The following DNAJC4 variants were observed in gnomAD, a reference collection of about 807,000 sequenced individuals.
The protein encoded by DNAJC4 is DnaJ heat shock protein family (Hsp40) member C4.
DNAJC4 carries 26 observed loss-of-function variants against 26.8 expected under a neutral mutation model. That is an observed-to-expected ratio of 0.97 (90% CI 0.71 to 1.34). The LOEUF is 1.34. DNAJC4 is among the 40% of genes most tolerant of loss of function. The pLI is 0.00. For missense variants in DNAJC4, 342 were observed against 321.1 expected (o/e 1.07, Z -0.50); for synonymous variants, 134 against 127.8 (o/e 1.05, Z -0.33).
Position 64,231,633 on chromosome 11 carries a change from C to T in DNAJC4, c.87-238C>T, listed in dbSNP as rs1731401501. The T allele has an allele frequency of 6.2e-6, 3 of 483,036 alleles. No individual in the cohort carries two copies. The South Asian group carries it at 9.1e-5, about 15-fold the overall frequency. The allele number at this position is 483,036 out of a possible 1,614,324, so 29.9% of individuals were successfully genotyped here. ...TGGATTACAGGCGTGAGCCACCGCGCCTGTCCAGGAATCAGTTTTTTCCAA... is the reference window on the plus strand; with the variant it reads ...TGGATTACAGGCGTGAGCCACCGCGTCTGTCCAGGAATCAGTTTTTTCCAA... On this transcript the variant is annotated intron_variant, in intron 1 of 5. Coordinates refer to ENST00000628077, the MANE Select transcript of DNAJC4 (RefSeq NM_005528.4).
At chr11:64,233,750 A>G (rs1174216187) in intron 4 of DNAJC4, 144 bp from the exon 5 acceptor site, 2 of 1,111,388 alleles carry the variant, frequency 1.8e-6, no homozygotes, top group African/African-American at 1.6e-5. Context: ...AGCCCTCCCT[A>G]TCTATCACAG....
Position 64,232,563 on chromosome 11 carries a change from CAA to C in DNAJC4, c.316_317del (p.Lys106ValfsTer8), listed in dbSNP as rs1296320408. Reference sequence around the variant, plus strand: ...GACCAGCTCCGCTCAGGTAGTCCCCCAAAGTCTCCACGAACCACAGTCCATGA... The same window carrying C: ...GACCAGCTCCGCTCAGGTAGTCCCCCAGTCTCCACGAACCACAGTCCATGA... On this transcript the variant is annotated frameshift_variant, in exon 3 of 6. Coordinates refer to ENST00000628077, the MANE Select transcript of DNAJC4 (RefSeq NM_005528.4). LOFTEE classifies it high-confidence loss of function. 1.2e-6 allele frequency: 2 copies of C among 1,612,036 alleles called. No homozygotes were observed. Among genetic ancestry groups the C allele is most frequent in the Admixed American group, 1.7e-5 (1 of 59,914 alleles).
intron 4 of DNAJC4, chr11:64,233,086 A>T: frequency 2.2e-6 from 1 of 452,594 alleles, no homozygotes; most frequent in Non-Finnish European, 3.7e-6. Flanking sequence ...TTTCGAATGT[A>T]AATCTTTCAT....
chr11:64,232,715 C>T lies in DNAJC4; in HGVS notation c.377C>T (p.Pro126Leu). The T allele has an allele frequency of 1.3e-6, 2 of 1,593,844 alleles. No homozygotes were observed. The highest frequency in any genetic ancestry group is 1.7e-6 in the Non-Finnish European group (2 of 1,165,918). Residue 126 changes from proline to leucine, a missense_variant, in exon 4 of 6, where the codon CCC (proline) becomes CTC (leucine). Transcript: ENST00000628077. ...SAHQTHSSWT[P>L]PNAQYWSQFH... ...CTGCCTCCCAGCAGCTCCTGGACAC[C>T]CCCCAACGCACAGTACTGGTCCCAG...
intron 1 of DNAJC4, among the ~76,000 whole-genome samples, chr11:64,231,444 C>T (rs1022198879): frequency 4.7e-5 from 7 of 148,872 alleles, no homozygotes; most frequent in Non-Finnish European, 7.4e-5. Flanking sequence ...CGGGTTCAAG[C>T]GATTCTCCTG....
Position 64,233,612 on chromosome 11 carries a change from T to TG in DNAJC4, c.528-280dup, listed in dbSNP as rs1591076852. On this transcript the variant is annotated intron_variant, in intron 4 of 5. Coordinates refer to ENST00000628077, the MANE Select transcript of DNAJC4 (RefSeq NM_005528.4). ...GCTAGCAGCCTGCCTAGTTCAGTGA[T>TG]GGAGTTAGACGCATACCCTTTCTAG... The TG allele has an allele frequency of 6.3e-6, 3 of 476,776 alleles. No individual in the cohort carries two copies. The East Asian group carries it at 1.0e-4, about 16-fold the overall frequency. 29.5% of individuals were successfully genotyped at this position (476,776 alleles called of 1,614,324 possible).
chr11:64,230,697 C>A lies in DNAJC4; in HGVS notation c.-158C>A. The A allele has an allele frequency of 9.9e-7, 1 of 1,007,262 alleles. No homozygotes were observed. The highest frequency in any genetic ancestry group is 1.5e-6 in the Non-Finnish European group (1 of 678,742). The allele number at this position is 1,007,262 out of a possible 1,614,324, so 62.4% of individuals were successfully genotyped here. A position where few individuals can be genotyped will look rare whatever the true frequency, so the allele number is the denominator to read the frequency against. ...GGTCCAAGGACACGCGGGTCTGGTC[C>A]TGGGCAAGAACCGCCCCCTCTCCGG... is the stretch of plus-strand genomic sequence containing the variant. On this transcript the variant is annotated 5_prime_UTR_variant, in exon 1 of 6. The change creates a new upstream start codon in the 5' untranslated region. Transcript: ENST00000628077.
chr11:64,232,434 A>G lies in DNAJC4; in HGVS notation c.185A>G (p.His62Arg). 1 of 1,582,244 alleles carries G rather than the reference A, an allele frequency of 6.3e-7. No homozygotes were observed. The highest frequency in any genetic ancestry group is 8.6e-7 in the Non-Finnish European group (1 of 1,160,630). ...RAFFSKSKEL[H>R]PDRDPGNPSL... ...GGGAGTCCTGCCCCACCCCAGCTGC[A>G]CCCAGACCGGGACCCTGGGAACCCA... Residue 62 changes from histidine (H) to arginine (R), a missense_variant, in exon 3 of 6, where the codon CAC becomes CGC. By Grantham distance (29) the His-to-Arg change is conservative (BLOSUM62 0). Coordinates refer to ENST00000628077, the MANE Select transcript of DNAJC4 (RefSeq NM_005528.4).
chr11:64,234,007 T>C lies in DNAJC4; in HGVS notation c.614+27T>C. ...TCTGTCCCTGCTCTATTCTGCTCCC[T>C]GCTCCCTGTCCAGGAACCACACTTC... On this transcript the variant is annotated intron_variant, in intron 5 of 5. Coordinates refer to ENST00000628077, the MANE Select transcript of DNAJC4 (RefSeq NM_005528.4). This position sits in a 1 kb window ranked among gnomAD's most constrained non-coding sequence, Gnocchi z 5.3. 1 of 1,614,040 alleles carries C rather than the reference T, an allele frequency of 6.2e-7. No individual in the cohort carries two copies. The highest frequency in any genetic ancestry group is 8.5e-7 in the Non-Finnish European group (1 of 1,180,020).
At position 64,230,589 on chromosome 11, in the gene DNAJC4, G is replaced by A. The variant is rs1199151197; in HGVS notation, c.-266G>A. ...CCCAAGTTCCCTGGGTGGGAACGGGGTCTTGGGGTCCCTGGCTGGGTGGCC... is the reference window on the plus strand; with the variant it reads ...CCCAAGTTCCCTGGGTGGGAACGGGATCTTGGGGTCCCTGGCTGGGTGGCC... On this transcript the variant is annotated 5_prime_UTR_variant, in exon 1 of 6. Coordinates refer to ENST00000628077, the MANE Select transcript of DNAJC4 (RefSeq NM_005528.4). 1 of 608,484 alleles carries A rather than the reference G, an allele frequency of 1.6e-6. No homozygotes were observed. The highest frequency in any genetic ancestry group is 3.0e-6 in the Non-Finnish European group (1 of 337,802). The allele number at this position is 608,484 out of a possible 1,614,324, so 37.7% of individuals were successfully genotyped here. A position where few individuals can be genotyped will look rare whatever the true frequency, so the allele number is the denominator to read the frequency against.
At chr11:64,230,525 C>T (rs1005355150), upstream of DNAJC4, 3 of 593,252 alleles carry the variant, frequency 5.1e-6, no homozygotes, top group African/African-American at 3.7e-5. Context: ...CTGTGAGCAG[C>T]GGGGGCGGGG....
At position 64,234,075 on chromosome 11, in the gene DNAJC4, C is replaced by T. The variant is rs1199506907; in HGVS notation, c.617C>T (p.Ala206Val). Reference sequence around the variant, plus strand: ...CACCCAGGTGCCCTCTCCTCCAGGGCCAACAGAGGCATCCTTCAGCAGGAG... The same window carrying T: ...CACCCAGGTGCCCTCTCCTCCAGGGTCAACAGAGGCATCCTTCAGCAGGAG... ...FYNEARARARANRGILQQERQ... is the reference protein window; with the variant it reads ...FYNEARARARVNRGILQQERQ... Residue 206 changes from alanine (A) to valine (V), a missense_variant and splice_region_variant, in exon 6 of 6, where the codon GCC (alanine) becomes GTC (valine). Ala to Val is a moderately conservative substitution (Grantham distance 64). Transcript: ENST00000628077. The surrounding 1 kb of genome is among the most constrained non-coding windows in gnomAD (Gnocchi z 5.3). The T allele has an allele frequency of 6.2e-6, 10 of 1,612,868 alleles. No homozygotes were observed. Among genetic ancestry groups the T allele is most frequent in the Non-Finnish European group, 8.5e-6 (10 of 1,179,774 alleles).
At chr11:64,231,842 C>T (rs1555054644) in intron 1 of DNAJC4, 29 bp from the exon 2 acceptor site, 8 of 1,610,702 alleles carry the variant, frequency 5.0e-6, no homozygotes, top group Non-Finnish European at 5.9e-6. Flanking sequence ...TTCCTTCAGC[C>T]CCTGCAAGGT....
upstream of DNAJC4, chr11:64,230,459 A>C: frequency 1.9e-6 from 1 of 524,054 alleles, no homozygotes; most frequent in East Asian, 4.9e-5. Flanking sequence ...ATCCACGCCA[A>C]TGAGAATGTG....
chr11:64,234,063 T>C lies in DNAJC4; in HGVS notation c.615-10T>C, dbSNP rs1287870632. On this transcript the variant is annotated splice_polypyrimidine_tract_variant and intron_variant, in intron 5 of 5. Transcript: ENST00000628077. This position sits in a 1 kb window ranked among gnomAD's most constrained non-coding sequence, Gnocchi z 5.3. ...CCCTATCCCAACCACCCAGGTGCCC[T>C]CTCCTCCAGGGCCAACAGAGGCATC... 2 of 1,613,096 alleles carry C rather than the reference T, an allele frequency of 1.2e-6. No individual in the cohort carries two copies. The highest frequency in any genetic ancestry group is 1.7e-6 in the Non-Finnish European group (2 of 1,179,876).
rs761327494 is a variant in DNAJC4 at position 64,233,894 on chromosome 11, G to C, written c.528G>C (p.Arg176Ser). The change falls in exon 5 of 6, where the codon AGG becomes AGC. Residue 176 changes from arginine to serine, a missense_variant and splice_region_variant. Coordinates refer to ENST00000628077, the MANE Select transcript of DNAJC4 (RefSeq NM_005528.4). Reference protein sequence around the residue: ...AGMGLHYIAFRKVKQMHLNFM... With the variant: ...AGMGLHYIAFSKVKQMHLNFM... Reference sequence around the variant, plus strand: ...CAGGGTTAATTGTGACCCATTGCAGGAAGGTGAAGCAGATGCACCTTAACT... The same window carrying C: ...CAGGGTTAATTGTGACCCATTGCAGCAAGGTGAAGCAGATGCACCTTAACT... 3 of 1,612,586 alleles carry C rather than the reference G, an allele frequency of 1.9e-6. No individual in the cohort carries two copies. The East Asian group carries it at 6.7e-5, about 36-fold the overall frequency.
chr11:64,231,690 G>T (rs991766239), intron 1 of DNAJC4, 181 bp from the exon 2 acceptor site: 30 of 577,660 alleles, frequency 5.2e-5, no homozygotes, highest in Admixed American at 9.1e-5. Context: ...GAGAAATCCT[G>T]ACCTGCACTA....
intron 4 of DNAJC4, chr11:64,233,090 C>G (rs1947198367): frequency 2.3e-6 from 1 of 442,648 alleles, no homozygotes; most frequent in African/African-American, 2.0e-5. Flanking sequence ...GAATGTAAAT[C>G]TTTCATGCTG....
At chr11:64,230,545 G>C, upstream of DNAJC4, 1 of 596,704 alleles carries the variant, frequency 1.7e-6, no homozygotes, top group Middle Eastern at 2.6e-4. Context: ...GCCTGGTTGT[G>C]GCCCCTCCTT....
Sources: allele counts gnomAD v4.1 joint callset (sites outside exome capture counted in the v4.1 genomes callset), GRCh38; gene constraint gnomAD v4.1.1; non-coding constraint Gnocchi (gnomAD v3.1); transcripts MANE v1.5; gene names NCBI Gene and HGNC (gene_info 2026-07-23, HGNC 2026-07-21).